Variants in SRRM4 observed in about 807,000 individuals in gnomAD.
SRRM4 encodes serine/arginine repetitive matrix protein 4.
Under a neutral mutation model 68.9 loss-of-function variants are expected in SRRM4, and 33 were observed. The observed-to-expected ratio is 0.48, with a 90% CI of 0.36 to 0.64. The LOEUF (loss-of-function observed/expected upper bound fraction) is 0.64, where lower values mean the gene tolerates loss of function less well. Among genes scored for constraint, SRRM4 ranks in the 30% least tolerant of loss-of-function variants. The pLI, the probability that SRRM4 is intolerant of heterozygous loss-of-function variation, is 0.00. For synonymous variants in SRRM4, 318 were observed against 318.8 expected (o/e 1.00, Z 0.03); for missense variants, 817 against 827.1 (o/e 0.99, Z 0.15).
intron 1 of SRRM4, among the ~76,000 whole-genome samples, chr12:119,017,662 G>C (rs1953490138): frequency 6.6e-6 from 1 of 152,200 alleles, no homozygotes; most frequent in South Asian, 2.1e-4. Context: ...CAAAGAAAGA[G>C]TGGAGTCCAT....
chr12:119,052,021 G>A (rs560748332), intron 1 of SRRM4, among the ~76,000 whole-genome samples: 2 of 152,284 alleles, frequency 1.3e-5, no homozygotes, highest in African/African-American at 4.8e-5. Context: ...CAGCTAGAGT[G>A]TTCCATTTTA....
intron 1 of SRRM4, among the ~76,000 whole-genome samples, chr12:119,027,953 G>A (rs1046019091): frequency 7.2e-5 from 11 of 152,220 alleles, no homozygotes; most frequent in Non-Finnish European, 1.3e-4. Flanking sequence ...AGTATGCACA[G>A]GATAATAATA....
At chr12:119,025,726 G>A (rs1953544410) in intron 1 of SRRM4, among the ~76,000 whole-genome samples, 1 of 152,048 alleles carries the variant, frequency 6.6e-6, no homozygotes, top group South Asian at 2.1e-4. Context: ...TCACAGGCAT[G>A]AGCCACTGTG....
At chr12:119,026,667 G>A (rs556366387) in intron 1 of SRRM4, among the ~76,000 whole-genome samples, 16 of 152,168 alleles carry the variant, frequency 1.1e-4, no homozygotes, top group African/African-American at 3.1e-4. Context: ...TCGTGCCTCA[G>A]CCTCTCGAGT....
chr12:118,990,580 G>T (rs1224011696), intron 1 of SRRM4, among the ~76,000 whole-genome samples: 2 of 152,148 alleles, frequency 1.3e-5, no homozygotes, highest in Non-Finnish European at 2.9e-5. Flanking sequence ...GGGTTTTAAG[G>T]TTGGGGGTGT....
rs781094981 is a variant in SRRM4 at position 119,114,381 on chromosome 12, G to A, written c.365+17G>A. On this transcript the variant is annotated intron_variant, in intron 3 of 12. Transcript: ENST00000267260. ...GAGAAGGAGGTAAGAGCACCAAGAG[G>A]GAGATAAAACCTGTAAGATGCAGGC... 3 of 1,592,354 alleles carry A rather than the reference G, an allele frequency of 1.9e-6. No individual in the cohort carries two copies. Among genetic ancestry groups the A allele is most frequent in the East Asian group, 2.3e-5 (1 of 44,238 alleles).
chr12:118,991,963 C>T (rs939864347), intron 1 of SRRM4, among the ~76,000 whole-genome samples: 21 of 152,156 alleles, frequency 1.4e-4, no homozygotes, highest in African/African-American at 4.8e-4. Flanking sequence ...TCATTTTACA[C>T]GTGGAGGGCT....
chr12:119,080,756 G>A (rs189168901), intron 1 of SRRM4, among the ~76,000 whole-genome samples: 3 of 152,336 alleles, frequency 2.0e-5, no homozygotes, highest in South Asian at 4.1e-4. Flanking sequence ...GCGAGAGCAG[G>A]CAACAGCTTC....
In SRRM4 at chr12:119,145,545, C is replaced by T. The variant is rs1333270350; in HGVS notation, c.936C>T (p.Pro312=). ...ARSRGQEKGS[P]SGGLSKSREL... The stretch of plus-strand genomic sequence containing the variant: ...CTCGGGGCCAGGAGAAGGGGAGCCC[C>T]AGTGGGGGCTTGAGCAAGAGCCGGG... Residue 312 remains proline (P), a synonymous_variant, in exon 9 of 13, where the codon CCC becomes CCT. Coordinates refer to ENST00000267260, the MANE Select transcript of SRRM4 (RefSeq NM_194286.4). 3.7e-6 allele frequency: 6 copies of T among 1,607,290 alleles called. No individual in the cohort carries two copies. In the South Asian group the frequency reaches 5.5e-5, roughly 15 times the overall value.
intron 6 of SRRM4, among the ~76,000 whole-genome samples, chr12:119,123,799 T>C (rs904830355): frequency 1.3e-5 from 2 of 152,200 alleles, no homozygotes; most frequent in African/African-American, 4.8e-5. Context: ...GAGGCCCTAC[T>C]ATGTGACTGG....
chr12:119,103,610 T>A (rs1238214058), intron 2 of SRRM4, among the ~76,000 whole-genome samples: 4 of 152,226 alleles, frequency 2.6e-5, no homozygotes, highest in African/African-American at 9.6e-5. Flanking sequence ...TTCAACCTCA[T>A]GTCTGGAGAG....
intron 1 of SRRM4, among the ~76,000 whole-genome samples, chr12:119,047,654 G>C (rs1370933362): frequency 6.6e-6 from 1 of 152,212 alleles, no homozygotes; most frequent in African/African-American, 2.4e-5. Flanking sequence ...GTTTAGATCT[G>C]TTTCACATGC....
intron 1 of SRRM4, among the ~76,000 whole-genome samples, chr12:119,004,466 G>A (rs1313676638): frequency 2.6e-5 from 4 of 152,004 alleles, no homozygotes; most frequent in Non-Finnish European, 5.9e-5. Flanking sequence ...TCCTGAGAGG[G>A]GGAGGGGAGC....
chr12:119,073,321 T>TTG lies in SRRM4; in HGVS notation c.132-28914_132-28913insGT, dbSNP rs1555217113. The stretch of plus-strand genomic sequence containing the variant: ...TCTCTCTCTCTCTCCTCTTTTTTTT[T>TTG]TTTGTTTGTTTGTTTGTTTGAGAAG... On this transcript the variant is annotated intron_variant, in intron 1 of 12. Coordinates refer to ENST00000267260, the MANE Select transcript of SRRM4 (RefSeq NM_194286.4). Among the ~76,000 whole-genome samples the TTG allele has an allele frequency of 1.6e-3, 239 of 148,914 alleles. 7 individuals are homozygous for TTG. In the East Asian group the frequency reaches 0.022, roughly 13 times the overall value.
chr12:119,108,178 G>A (rs1341169438), intron 2 of SRRM4, among the ~76,000 whole-genome samples: 1 of 152,224 alleles, frequency 6.6e-6, no homozygotes, highest in Non-Finnish European at 1.5e-5. Flanking sequence ...TGGTCTGAGA[G>A]ACAGTTTGTT....
chr12:118,993,268 C>T (rs1458476542), intron 1 of SRRM4, among the ~76,000 whole-genome samples: 1 of 152,164 alleles, frequency 6.6e-6, no homozygotes, highest in Non-Finnish European at 1.5e-5. Flanking sequence ...AATGGTGTGA[C>T]CGTCTTTAAT....
At chr12:119,043,468 T>A (rs981228767) in intron 1 of SRRM4, among the ~76,000 whole-genome samples, 12 of 152,030 alleles carry the variant, frequency 7.9e-5, no homozygotes, top group Non-Finnish European at 1.5e-5. Context: ...GAGTTTATCT[T>A]TGCAGCAAAC....
At position 119,024,416 on chromosome 12, in the gene SRRM4, G is replaced by A. The variant is rs577728852; in HGVS notation, c.131+42403G>A. Among the ~76,000 whole-genome samples, 34 of 152,318 alleles carry A rather than the reference G, an allele frequency of 2.2e-4. 1 individual carries two copies. Among genetic ancestry groups the A allele is most frequent in the African/African-American group, 6.3e-4 (26 of 41,574 alleles). On this transcript the variant is annotated intron_variant, in intron 1 of 12. Coordinates refer to ENST00000267260, the MANE Select transcript of SRRM4 (RefSeq NM_194286.4). The stretch of plus-strand genomic sequence containing the variant: ...TGATGCAGTCTCACTGCCACTGCAC[G>A]CAGGATGGCAGAGGGAATGTGGGCT...
chr12:119,013,636 T>C (rs1307005268), intron 1 of SRRM4, among the ~76,000 whole-genome samples: 9 of 152,190 alleles, frequency 5.9e-5, no homozygotes, highest in Admixed American at 5.9e-4. Flanking sequence ...GTATTTTGGA[T>C]TTTTAAAATA....
Sources: gnomAD v4.1 joint callset for allele counts (sites outside exome capture counted in the v4.1 genomes callset) on GRCh38, gnomAD v4.1.1 for gene constraint, MANE v1.5 for transcripts, NCBI Gene and HGNC (gene_info 2026-07-23, HGNC 2026-07-21) for gene names.